The following SPPL3 variants were observed in gnomAD, a reference collection of about 807,000 sequenced individuals.
The protein encoded by SPPL3 is signal peptide peptidase like 3.
A neutral mutation model predicts 42.4 loss-of-function variants in SPPL3; 5 were observed. That is an observed-to-expected ratio of 0.12 (90% CI 0.06 to 0.25). The LOEUF (loss-of-function observed/expected upper bound fraction) is 0.25, where lower values mean the gene tolerates loss of function less well. Among genes scored for constraint, SPPL3 ranks in the 10% least tolerant of loss-of-function variants. The probability of loss-of-function intolerance (pLI) is 1.00; values close to 1 mark genes in which losing one functional copy is unlikely to be tolerated. For missense variants in SPPL3, 235 were observed against 489.0 expected (o/e 0.48, Z 4.90); for synonymous variants, 195 against 181.8 (o/e 1.07, Z -0.58).
At position 120,809,256 on chromosome 12, in the gene SPPL3, A is replaced by C. The variant is rs1023563924; in HGVS notation, c.101+1553T>G. On this transcript the variant is annotated intron_variant, in intron 2 of 10. Coordinates refer to ENST00000353487, the MANE Select transcript of SPPL3 (RefSeq NM_139015.5). ...GCTATTCAGGAGGCCGAGACAGAAG[A>C]ATGGCGTGGACCCAGGAGGTGGAGC... Among the ~76,000 whole-genome samples the C allele has an allele frequency of 1.7e-4, 26 of 152,248 alleles. No homozygotes were observed. In the East Asian group the frequency reaches 4.8e-3, roughly 28 times the overall value.
At chr12:120,828,434 TAAACTC>T (rs1871294710) in intron 1 of SPPL3, among the ~76,000 whole-genome samples, 3 of 151,452 alleles carry the variant, frequency 2.0e-5, no homozygotes, top group Non-Finnish European at 4.4e-5. Context: ...AAGAGCAAAT[TAAACTC>T]AAATCAAATA....
At chr12:120,845,383 A>G in intron 1 of SPPL3, 1 of 368,092 alleles carries the variant, frequency 2.7e-6, no homozygotes, top group Non-Finnish European at 5.5e-6. Flanking sequence ...GCTGTCCACT[A>G]CAAAAATCAG....
Position 120,762,867 on chromosome 12 carries a change from C to CA in SPPL3, c.*2131dup, listed in dbSNP as rs1868714270. ...TCGGCCTCCCAAAGTGCTGGGATTA[C>CA]AGGCATGAAGGATAACGTTATTTCT... On this transcript the variant is annotated 3_prime_UTR_variant, in exon 11 of 11. Transcript: ENST00000353487. 1 of 152,266 alleles carries CA rather than the reference C, an allele frequency of 6.6e-6. No homozygotes were observed. The highest frequency in any genetic ancestry group is 2.1e-4 in the South Asian group (1 of 4,824). The allele number at this position is 152,266 out of a possible 1,614,324, so 9.4% of individuals were successfully genotyped here. A position where few individuals can be genotyped will look rare whatever the true frequency, so the allele number is the denominator to read the frequency against.
At chr12:120,841,423 AAT>A (rs57268775) in intron 1 of SPPL3, among the ~76,000 whole-genome samples, 29,499 of 142,322 alleles carry the variant, frequency 0.21, 4,508 homozygotes, top group East Asian at 0.41. Flanking sequence ...AAGTTAAAAA[AAT>A]AGTTATATAT....
intron 1 of SPPL3, among the ~76,000 whole-genome samples, chr12:120,817,286 C>A (rs767651532): frequency 6.6e-6 from 1 of 152,058 alleles, no homozygotes; most frequent in Non-Finnish European, 1.5e-5. Flanking sequence ...CAGAGCGAGA[C>A]CCTGTCTCAA....
At chr12:120,901,453 T>C (rs970980503) in intron 1 of SPPL3, among the ~76,000 whole-genome samples, 6 of 151,796 alleles carry the variant, frequency 4.0e-5, no homozygotes, top group African/African-American at 1.5e-4. Flanking sequence ...AAGCCGGGCA[T>C]GGTGGCATGT....
chr12:120,800,417 T>C (rs578048934), intron 2 of SPPL3, among the ~76,000 whole-genome samples: 5 of 152,126 alleles, frequency 3.3e-5, no homozygotes, highest in African/African-American at 9.6e-5. Flanking sequence ...GTAAGAAAAC[T>C]GCTTGAACCC....
intron 2 of SPPL3, among the ~76,000 whole-genome samples, chr12:120,802,415 G>A (rs112401037): frequency 0.77 from 86,850 of 112,564 alleles, 33,908 homozygotes; most frequent in South Asian, 0.9. Context: ...GTGTGTGTGT[G>A]TATATATATA....
intron 1 of SPPL3, among the ~76,000 whole-genome samples, chr12:120,821,225 A>ATT: frequency 6.6e-6 from 1 of 152,360 alleles, no homozygotes; most frequent in South Asian, 2.1e-4. Flanking sequence ...TGAAACAGAA[A>ATT]GAAGACCCCA....
chr12:120,883,919 T>C (rs969706089), intron 1 of SPPL3, among the ~76,000 whole-genome samples: 4 of 151,244 alleles, frequency 2.6e-5, no homozygotes, highest in African/African-American at 9.7e-5. Context: ...CTGATCAACA[T>C]GGAGAAACCC....
At chr12:120,869,709 T>C (rs1475126814) in intron 1 of SPPL3, among the ~76,000 whole-genome samples, 3 of 152,250 alleles carry the variant, frequency 2.0e-5, no homozygotes, top group Non-Finnish European at 4.4e-5. Context: ...CTACACAGTA[T>C]GACTTTGTAG....
At chr12:120,829,513 T>C (rs1490880504) in intron 1 of SPPL3, among the ~76,000 whole-genome samples, 1 of 151,998 alleles carries the variant, frequency 6.6e-6, no homozygotes, top group Non-Finnish European at 1.5e-5. Context: ...GGGGAATCGC[T>C]TGGACCTAGG....
chr12:120,850,505 A>C (rs948175968), intron 1 of SPPL3, among the ~76,000 whole-genome samples: 12 of 151,260 alleles, frequency 7.9e-5, no homozygotes, highest in East Asian at 5.8e-4. Flanking sequence ...AAAAAAAAAA[A>C]AAAAAAAACA....
intron 1 of SPPL3, among the ~76,000 whole-genome samples, chr12:120,868,634 A>C (rs1453718063): frequency 6.6e-6 from 1 of 152,114 alleles, no homozygotes; most frequent in Non-Finnish European, 1.5e-5. Context: ...GGCGCATGCC[A>C]CCATGCCCAG....
chr12:120,878,311 C>T (rs1873175560), intron 1 of SPPL3, among the ~76,000 whole-genome samples: 1 of 152,056 alleles, frequency 6.6e-6, no homozygotes, highest in Admixed American at 6.6e-5. Context: ...AACATATTTC[C>T]AATGAAATCA....
chr12:120,881,851 T>C (rs1473695109), intron 1 of SPPL3, among the ~76,000 whole-genome samples: 6 of 150,754 alleles, frequency 4.0e-5, no homozygotes, highest in Non-Finnish European at 8.9e-5. Context: ...ATGAGGTACC[T>C]AGCATAGTCA....
At chr12:120,903,731 C>T (rs1215499722) in intron 1 of SPPL3, 114 bp downstream of exon 1, 14 of 536,144 alleles carry the variant, frequency 2.6e-5, no homozygotes, top group Middle Eastern at 5.3e-4. Context: ...CCCCAACCCG[C>T]GCCCCCCCCC....
intron 1 of SPPL3, among the ~76,000 whole-genome samples, chr12:120,880,255 T>C (rs1024861118): frequency 6.6e-6 from 1 of 152,064 alleles, no homozygotes; most frequent in Admixed American, 6.6e-5. Context: ...GGACCTTTAC[T>C]ATTATACAAA....
At chr12:120,830,556 GGGA>G (rs1430204549) in intron 1 of SPPL3, among the ~76,000 whole-genome samples, 3 of 36,240 alleles carry the variant, frequency 8.3e-5, no homozygotes, top group Non-Finnish European at 1.3e-4. Context: ...GGAGGGGAGG[GGGA>G]GGGGTGGGGG....
Sources: gnomAD v4.1 joint callset for allele counts (sites outside exome capture counted in the v4.1 genomes callset) on GRCh38, gnomAD v4.1.1 for gene constraint, MANE v1.5 for transcripts, NCBI Gene and HGNC (gene_info 2026-07-23, HGNC 2026-07-21) for gene names.